The following MAML3 variants were observed in gnomAD, a reference collection of about 807,000 sequenced individuals.
MAML3 encodes mastermind-like protein 3.
Under a neutral mutation model 101.9 loss-of-function variants are expected in MAML3, and 27 were observed. The observed-to-expected ratio is 0.27, with a 90% CI of 0.20 to 0.37. MAML3 has a LOEUF of 0.37. Among genes scored for constraint, MAML3 ranks in the 10% least tolerant of loss-of-function variants. The pLI is 1.00. For synonymous variants in MAML3, 501 were observed against 555.9 expected (o/e 0.90, Z 1.39); for missense variants, 1,316 against 1,444.9 (o/e 0.91, Z 1.45).
intron 1 of MAML3, among the ~76,000 whole-genome samples, chr4:140,043,862 G>A (rs1727132155): frequency 6.6e-6 from 1 of 152,148 alleles, no homozygotes; most frequent in Non-Finnish European, 1.5e-5. Context: ...AAATTCATTA[G>A]GGTAGTTAAT....
rs1454539574 is a variant in MAML3, at chr4:140,011,546, T to G, written c.469-120579A>C. 5.3e-5 allele frequency among the ~76,000 whole-genome samples: 8 copies of G among 150,266 alleles called. No homozygotes were observed. In the South Asian group the frequency reaches 6.3e-4, roughly 12 times the overall value. ...TTTTTAGTAGAGACGGGGTTTCACCTTGTTAGCCAGGATGGTCTCGATCTC... is the reference window on the plus strand; with the variant it reads ...TTTTTAGTAGAGACGGGGTTTCACCGTGTTAGCCAGGATGGTCTCGATCTC... On this transcript the variant is annotated intron_variant, in intron 1 of 4. Transcript: ENST00000509479.
intron 2 of MAML3, among the ~76,000 whole-genome samples, chr4:139,780,624 T>C (rs761395755): frequency 0.02 from 1,511 of 76,974 alleles, 17 homozygotes; most frequent in Non-Finnish European, 0.029. Flanking sequence ...CTTTCTTTTC[T>C]TTTTTTTTTT....
chr4:139,961,868 C>A (rs1734020299), intron 1 of MAML3, among the ~76,000 whole-genome samples: 1 of 152,140 alleles, frequency 6.6e-6, no homozygotes, highest in South Asian at 2.1e-4. Flanking sequence ...AATCCCAGCA[C>A]TTTGGGAGGT....
chr4:139,843,626 G>A (rs34257120), intron 2 of MAML3, among the ~76,000 whole-genome samples: 58,612 of 152,048 alleles, frequency 0.39, 11,844 homozygotes, highest in East Asian at 0.69. Context: ...AGGATTACCT[G>A]TTCATAGATG....
At position 140,153,474 on chromosome 4, in the gene MAML3, G is replaced by A; in HGVS notation, c.-147C>T. On this transcript the variant is annotated 5_prime_UTR_variant, in exon 1 of 5. Transcript: ENST00000509479. ...ATGGAAACGGCGATCCCGACGGGGC[G>A]AAAAAAACGGGGGGGGAGATTTTGG... 1.4e-5 allele frequency: 8 copies of A among 589,504 alleles called. No homozygotes were observed. The highest frequency in any genetic ancestry group is 6.4e-5 in the South Asian group (2 of 31,244). The allele number at this position is 589,504 out of a possible 1,614,324, so 36.5% of individuals were successfully genotyped here.
intron 1 of MAML3, among the ~76,000 whole-genome samples, chr4:139,946,941 T>A (rs1260654578): frequency 1.3e-5 from 2 of 151,530 alleles, no homozygotes; most frequent in Admixed American, 1.3e-4. Context: ...TCTCTCTCTC[T>A]CTCTCTCTCT....
At chr4:139,798,619 C>T (rs1730556885) in intron 2 of MAML3, among the ~76,000 whole-genome samples, 4 of 152,302 alleles carry the variant, frequency 2.6e-5, no homozygotes, top group Admixed American at 2.6e-4. Flanking sequence ...ATGCAATTTA[C>T]CTGGGAATCT....
At chr4:140,048,839 C>T (rs533166630) in intron 1 of MAML3, among the ~76,000 whole-genome samples, 48 of 152,160 alleles carry the variant, frequency 3.2e-4, no homozygotes, top group African/African-American at 1.1e-3. Flanking sequence ...CCTCACAAGA[C>T]GATATACGGA....
At chr4:139,766,525 T>C (rs1183926539) in intron 2 of MAML3, among the ~76,000 whole-genome samples, 1 of 152,176 alleles carries the variant, frequency 6.6e-6, no homozygotes, top group South Asian at 2.1e-4. Flanking sequence ...TGAGGGGAAC[T>C]GCCAACAATT....
At chr4:140,028,156 T>C (rs1000315470) in intron 1 of MAML3, among the ~76,000 whole-genome samples, 2 of 152,240 alleles carry the variant, frequency 1.3e-5, no homozygotes, top group African/African-American at 2.4e-5. Context: ...TTCTGTGAAG[T>C]GTACAGGACA....
chr4:139,967,314 T>G (rs563726868), intron 1 of MAML3, among the ~76,000 whole-genome samples: 2 of 152,252 alleles, frequency 1.3e-5, no homozygotes, highest in East Asian at 3.9e-4. Context: ...ACTGGTGCCC[T>G]TCCTGTGGGT....
At chr4:139,974,712 A>G (rs1463715912) in intron 1 of MAML3, among the ~76,000 whole-genome samples, 11 of 152,158 alleles carry the variant, frequency 7.2e-5, no homozygotes. Flanking sequence ...ATATATGGTG[A>G]AGTCCAGATA....
chr4:139,799,943 G>C (rs1730575326), intron 2 of MAML3, among the ~76,000 whole-genome samples: 1 of 151,428 alleles, frequency 6.6e-6, no homozygotes, highest in Admixed American at 6.6e-5. Flanking sequence ...AGGGAAAGAG[G>C]AGAAAAAAAG....
At chr4:140,104,310 A>G (rs1219899934) in intron 1 of MAML3, among the ~76,000 whole-genome samples, 1 of 122,166 alleles carries the variant, frequency 8.2e-6, no homozygotes, top group African/African-American at 3.2e-5. Context: ...GCCTTAGCTC[A>G]GGAGGTCAAG....
Position 139,890,642 on chromosome 4 carries a change from C to A in MAML3, c.794G>T (p.Ser265Ile). ...PVNGCSDLED[S>I]FTILQSKDLK... is the part of the protein sequence containing the mutation. ...GTCTTTGCTCTGCAAGATGGTGAAG[C>A]TATCCTCCAGGTCACTGCAACCGTT... The change falls in exon 2 of 5, where the codon AGC (serine) becomes ATC (isoleucine). Residue 265 changes from serine (S) to isoleucine (I), a missense_variant. Physicochemically the swap from Ser to Ile is moderately radical, Grantham distance 142. Coordinates refer to ENST00000509479, the MANE Select transcript of MAML3 (RefSeq NM_018717.5). This position sits in a 1 kb window ranked among gnomAD's most constrained non-coding sequence, Gnocchi z 4.1. 6.2e-7 allele frequency: 1 copy of A among 1,613,908 alleles called. No individual in the cohort carries two copies. Among genetic ancestry groups the A allele is most frequent in the Non-Finnish European group, 8.5e-7 (1 of 1,179,794 alleles).
At chr4:139,921,006 C>G (rs554090498) in intron 1 of MAML3, among the ~76,000 whole-genome samples, 5 of 152,314 alleles carry the variant, frequency 3.3e-5, no homozygotes, top group African/African-American at 1.2e-4. Context: ...GCTGAAAACG[C>G]AGTCTCACCA....
At chr4:140,037,336 T>C (rs1187051643) in intron 1 of MAML3, among the ~76,000 whole-genome samples, 1 of 152,180 alleles carries the variant, frequency 6.6e-6, no homozygotes, top group Non-Finnish European at 1.5e-5. Flanking sequence ...CACGAATCCT[T>C]AGCACATTAT....
At chr4:139,994,809 A>G (rs201801572) in intron 1 of MAML3, among the ~76,000 whole-genome samples, 5 of 111,162 alleles carry the variant, frequency 4.5e-5, no homozygotes, top group South Asian at 3.1e-4. Context: ...GTGTGTGTGT[A>G]TGTGTATTCC....
At chr4:140,091,556 A>AAC (rs1305479157) in intron 1 of MAML3, among the ~76,000 whole-genome samples, 2 of 150,408 alleles carry the variant, frequency 1.3e-5, no homozygotes, top group Non-Finnish European at 3.0e-5. Context: ...AACAAAAAAA[A>AAC]AAAACAGGAC....
Sources: allele counts gnomAD v4.1 joint callset (sites outside exome capture counted in the v4.1 genomes callset), GRCh38; gene constraint gnomAD v4.1.1; non-coding constraint Gnocchi (gnomAD v3.1); transcripts MANE v1.5; gene names NCBI Gene and HGNC (gene_info 2026-07-23, HGNC 2026-07-21).